DOCK9: variants seen among roughly 807,000 people sequenced by gnomAD.
The protein encoded by DOCK9 is dedicator of cytokinesis 9.
A neutral mutation model predicts 263.3 loss-of-function variants in DOCK9; 89 were observed. That is an observed-to-expected ratio of 0.34 (90% confidence interval 0.28 to 0.40). DOCK9 has a LOEUF of 0.40. Among genes scored for constraint, DOCK9 ranks in the 10% least tolerant of loss-of-function variants. The pLI, the probability that DOCK9 is intolerant of heterozygous loss-of-function variation, is 1.00. For missense variants in DOCK9, 2,140 were observed against 2,603.4 expected, an observed-to-expected ratio of 0.82 and a Z score of 3.87; for synonymous variants, 976 against 973.1, an observed-to-expected ratio of 1.00 and a Z score of -0.06.
At chr13:98,889,220 A>G (rs944005567) in intron 15 of DOCK9, among the ~76,000 whole-genome samples, 1 of 152,164 alleles carries the variant, frequency 6.6e-6, no homozygotes, top group Admixed American at 6.5e-5. Context: ...GAATGATACA[A>G]TGAACTTTGG....
chr13:98,862,091 A>G (rs1401437394), intron 32 of DOCK9, among the ~76,000 whole-genome samples: 1 of 152,192 alleles, frequency 6.6e-6, no homozygotes, highest in African/African-American at 2.4e-5. Flanking sequence ...GAAAATTCTG[A>G]GGCCTCACAA....
intron 1 of DOCK9, among the ~76,000 whole-genome samples, chr13:99,083,170 A>C (rs1057503012): frequency 6.6e-6 from 1 of 151,824 alleles, no homozygotes; most frequent in Non-Finnish European, 1.5e-5. Context: ...CCAGAGAATC[A>C]CCTGAATCTG....
At chr13:98,911,658 GC>G (rs1207826978) in intron 9 of DOCK9, among the ~76,000 whole-genome samples, 1 of 151,792 alleles carries the variant, frequency 6.6e-6, no homozygotes, top group Non-Finnish European at 1.5e-5. Flanking sequence ...ACTTTGGGAG[GC>G]TGAGGTGGGT....
At chr13:98,802,432 T>C (rs1444782955) in intron 49 of DOCK9, among the ~76,000 whole-genome samples, 2 of 152,146 alleles carry the variant, frequency 1.3e-5, no homozygotes, top group African/African-American at 4.8e-5. Flanking sequence ...GCCAGCCCTT[T>C]AGAAAGGAGG....
At chr13:98,961,710 C>G (rs2058658077) in intron 1 of DOCK9, among the ~76,000 whole-genome samples, 1 of 152,150 alleles carries the variant, frequency 6.6e-6, no homozygotes, top group South Asian at 2.1e-4. Context: ...TCTTTGCCAC[C>G]CTCAGCATCC....
intron 1 of DOCK9, among the ~76,000 whole-genome samples, chr13:98,963,218 C>G (rs1171605325): frequency 6.6e-6 from 1 of 152,146 alleles, no homozygotes; most frequent in East Asian, 1.9e-4. Context: ...CCACCATGAT[C>G]CCCCCACCCT....
chr13:98,992,142 C>A (rs9557111), intron 1 of DOCK9, among the ~76,000 whole-genome samples: 79,067 of 151,266 alleles, frequency 0.52, 20,951 homozygotes, highest in South Asian at 0.68. Flanking sequence ...AAAAAATGCC[C>A]CAACAGGAGG....
intron 1 of DOCK9, among the ~76,000 whole-genome samples, chr13:99,038,200 T>A (rs1340916482): frequency 1.3e-5 from 2 of 151,988 alleles, no homozygotes; most frequent in East Asian, 3.9e-4. Flanking sequence ...AGCTTGAATC[T>A]ATTCAGACTC....
At chr13:98,819,055 G>A (rs1164866233) in intron 45 of DOCK9, among the ~76,000 whole-genome samples, 2 of 152,212 alleles carry the variant, frequency 1.3e-5, no homozygotes, top group African/African-American at 4.8e-5. Flanking sequence ...TGCTATCACA[G>A]CATAATGCAC....
intron 30 of DOCK9, among the ~76,000 whole-genome samples, chr13:98,864,515 C>A (rs1282093869): frequency 6.6e-6 from 1 of 152,156 alleles, no homozygotes; most frequent in African/African-American, 2.4e-5. Context: ...TTCTATGAAA[C>A]CCTTTAATAG....
chr13:98,902,917 T>C, intron 11 of DOCK9, 55 bp downstream of exon 11: 1 of 1,420,848 alleles, frequency 7.0e-7, no homozygotes, highest in Non-Finnish European at 9.2e-7. Context: ...TAAAGGTACA[T>C]CTGAAACCTC....
At chr13:98,796,096 C>T in intron 52 of DOCK9, 1 of 799,886 alleles carries the variant, frequency 1.3e-6, no homozygotes, top group Non-Finnish European at 2.1e-6. Flanking sequence ...GTGCTTTCCT[C>T]TGCCCATGTA....
chr13:98,913,106 AT>A (rs1209707562), intron 9 of DOCK9, among the ~76,000 whole-genome samples: 7 of 152,230 alleles, frequency 4.6e-5, no homozygotes, highest in African/African-American at 1.7e-4. Context: ...AAGAAAAACA[AT>A]GCTCTAAAGC....
At chr13:98,983,971 T>C (rs1467507878) in intron 1 of DOCK9, among the ~76,000 whole-genome samples, 1 of 152,202 alleles carries the variant, frequency 6.6e-6, no homozygotes, top group Non-Finnish European at 1.5e-5. Flanking sequence ...AGAAATGTAA[T>C]CCACATTATC....
At chr13:99,086,177 T>A (rs1431151757) in intron 1 of DOCK9, 1 of 1,448,336 alleles carries the variant, frequency 6.9e-7, no homozygotes. Flanking sequence ...CGCAGCTGCC[T>A]GCGCCCCCGC....
intron 1 of DOCK9, among the ~76,000 whole-genome samples, chr13:99,039,301 C>A (rs1284759273): frequency 6.6e-6 from 1 of 151,862 alleles, no homozygotes; most frequent in Non-Finnish European, 1.5e-5. Flanking sequence ...CAAAATAAAA[C>A]CTATAATTGA....
At chr13:98,800,096 C>T (rs532979248) in intron 50 of DOCK9, among the ~76,000 whole-genome samples, 192 bp downstream of exon 50, 58 of 151,758 alleles carry the variant, frequency 3.8e-4, no homozygotes, top group Non-Finnish European at 7.7e-4. Context: ...CCTCATGGGG[C>T]GGGGGGCAGG....
chr13:98,968,501 T>G (rs1245243828), intron 1 of DOCK9, among the ~76,000 whole-genome samples: 1 of 152,064 alleles, frequency 6.6e-6, no homozygotes, highest in Non-Finnish European at 1.5e-5. Context: ...ACACCTGTAA[T>G]CTCAGCTACT....
chr13:98,868,243 A>G lies in DOCK9; in HGVS notation c.3078T>C (p.Ala1026=). Residue 1026 remains alanine (A), a synonymous_variant, in exon 28 of 53, where the codon GCT becomes GCC. Coordinates refer to ENST00000682017, the MANE Select transcript of DOCK9 (RefSeq NM_001366683.2). The part of the protein sequence containing the change: ...EASKNANHSL[A]VFIKRCFTFM... ...TGGAGGTCCCCACCTTGATGAAGAC[A>G]GCAAGGCTATGATTCGCGTTCTTAG... 1 of 1,613,926 alleles carries G rather than the reference A, an allele frequency of 6.2e-7. No individual in the cohort carries two copies. Among genetic ancestry groups the G allele is most frequent in the Non-Finnish European group, 8.5e-7 (1 of 1,179,858 alleles).
Sources: gnomAD v4.1 joint callset for allele counts (sites outside exome capture counted in the v4.1 genomes callset) on GRCh38, gnomAD v4.1.1 for gene constraint, MANE v1.5 for transcripts, NCBI Gene and HGNC (gene_info 2026-07-23, HGNC 2026-07-21) for gene names.